The following PCDHA6 variants were observed in gnomAD, a reference collection of about 807,000 sequenced individuals.
PCDHA6 encodes protocadherin alpha 6.
A neutral mutation model predicts 60.3 loss-of-function variants in PCDHA6; 55 were observed. The ratio of observed to expected loss-of-function variants is 0.91; its 90% CI spans 0.73 to 1.14. The LOEUF is 1.14. Among genes scored for constraint, PCDHA6 ranks in the 50% most tolerant of loss-of-function variants. The pLI is 0.00. For synonymous variants in PCDHA6, 652 were observed against 557.9 expected (o/e 1.17, Z -2.38); for missense variants, 1,327 against 1,256.5 (o/e 1.06, Z -0.85).
At chr5:140,857,758 C>T (rs1562528719) in intron 1 of PCDHA6, 2 of 1,597,374 alleles carry the variant, frequency 1.3e-6, no homozygotes, top group Admixed American at 1.7e-5. Flanking sequence ...CTCCCGCTGG[C>T]AGCGCGGGCG....
intron 3 of PCDHA6, among the ~76,000 whole-genome samples, chr5:140,991,146 G>A (rs2097434554): frequency 6.6e-6 from 1 of 151,978 alleles, no homozygotes; most frequent in African/African-American, 2.4e-5. Context: ...AATGTTTTTT[G>A]CTCACCATTG....
intron 1 of PCDHA6, among the ~76,000 whole-genome samples, chr5:140,845,577 T>C (rs2150380022): frequency 1.3e-5 from 2 of 149,706 alleles, no homozygotes; most frequent in East Asian, 1.9e-4. Context: ...ATTTCTGGGA[T>C]TGAAATGTGT....
At chr5:140,937,839 A>G (rs2091791639) in intron 1 of PCDHA6, among the ~76,000 whole-genome samples, 1 of 150,456 alleles carries the variant, frequency 6.6e-6, no homozygotes, top group Non-Finnish European at 1.5e-5. Flanking sequence ...ATGAACCTGG[A>G]AGGCGGAACT....
rs2150157148 is a variant in PCDHA6 at position 140,828,589 on chromosome 5, C to T, written c.498C>T (p.Ser166=). The change falls in exon 1 of 4, where the codon TCC becomes TCT. Residue 166 remains serine, a synonymous_variant. Transcript: ENST00000529310. The part of the protein sequence containing the change: ...GASDADVGSN[S]ILTYKLSSSE... ...CCGATGCAGATGTTGGCTCAAATTC[C>T]ATCTTAACCTATAAACTCAGTTCTA... 9 of 1,614,088 alleles carry T rather than the reference C, an allele frequency of 5.6e-6. No individual in the cohort carries two copies. Among genetic ancestry groups the T allele is most frequent in the Non-Finnish European group, 7.6e-6 (9 of 1,180,040 alleles).
intron 1 of PCDHA6, among the ~76,000 whole-genome samples, chr5:140,917,662 C>T (rs1554198266): frequency 6.6e-6 from 1 of 152,118 alleles, no homozygotes; most frequent in Admixed American, 6.6e-5. Flanking sequence ...AGTAGGAAGT[C>T]CTTTCTCCAT....
At chr5:140,967,171 G>A (rs181864889) in intron 1 of PCDHA6, 2 of 1,611,944 alleles carry the variant, frequency 1.2e-6, no homozygotes, top group Non-Finnish European at 8.5e-7. Flanking sequence ...GCGCCGTTGA[G>A]GTGGAAATAT....
chr5:140,870,708 C>T (rs781841032), intron 1 of PCDHA6: 4 of 1,612,898 alleles, frequency 2.5e-6, no homozygotes, highest in Admixed American at 1.7e-5. Context: ...TCCAGGTGAG[C>T]GCGCGCGATG....
chr5:140,955,658 AT>A (rs1187332497), intron 1 of PCDHA6, among the ~76,000 whole-genome samples: 1 of 152,156 alleles, frequency 6.6e-6, no homozygotes, highest in African/African-American at 2.4e-5. Flanking sequence ...ACACATATGA[AT>A]TTTAACATAG....
chr5:140,944,003 C>A (rs1185007409), intron 1 of PCDHA6, among the ~76,000 whole-genome samples: 11 of 152,038 alleles, frequency 7.2e-5, no homozygotes, highest in African/African-American at 2.2e-4. Flanking sequence ...CTACTGAGTA[C>A]CCCCCAAAAG....
Position 140,856,434 on chromosome 5 carries a change from C to T in PCDHA6, c.2394+25949C>T, listed in dbSNP as rs551569829. 39 of 1,598,320 alleles carry T rather than the reference C, an allele frequency of 2.4e-5. 3 individuals carry two copies. The South Asian group carries it at 3.9e-4, about 16-fold the overall frequency. On this transcript the variant is annotated intron_variant, in intron 1 of 3. Coordinates refer to ENST00000529310, the MANE Select transcript of PCDHA6 (RefSeq NM_018909.4). Reference sequence around the variant, plus strand: ...GAAGTGAAGGACATTAACGACAACCCGCCCAGGTTCTCCGTAACAGAACAA... The same window carrying T: ...GAAGTGAAGGACATTAACGACAACCTGCCCAGGTTCTCCGTAACAGAACAA...
chr5:140,871,132 G>A, intron 1 of PCDHA6: 1 of 1,613,372 alleles, frequency 6.2e-7, no homozygotes, highest in South Asian at 1.1e-5. Flanking sequence ...GGCGCCAAAG[G>A]CCTCTTCCCG....
At chr5:140,943,761 A>T (rs1219179710) in intron 1 of PCDHA6, among the ~76,000 whole-genome samples, 1 of 152,248 alleles carries the variant, frequency 6.6e-6, no homozygotes, top group Non-Finnish European at 1.5e-5. Context: ...TAGGAGATGT[A>T]GGAAAAAAAC....
intron 1 of PCDHA6, 137 bp downstream of exon 1, chr5:140,830,622 C>G: frequency 1.7e-6 from 1 of 582,670 alleles, no homozygotes; most frequent in Non-Finnish European, 2.6e-6. Flanking sequence ...TATTGTGTTT[C>G]TTATTTTAAT....
At chr5:140,838,173 G>C (rs1033489567) in intron 1 of PCDHA6, among the ~76,000 whole-genome samples, 2 of 149,160 alleles carry the variant, frequency 1.3e-5, no homozygotes, top group Non-Finnish European at 3.0e-5. Flanking sequence ...GAGTGCAGTG[G>C]TGCAATCTCA....
chr5:140,929,285 T>C, intron 1 of PCDHA6: 15 of 1,600,688 alleles, frequency 9.4e-6, no homozygotes, highest in Non-Finnish European at 1.3e-5. Flanking sequence ...TGTATTCAGA[T>C]TCGGAATAGG....
At chr5:141,006,085 C>T (rs1588120524) in intron 3 of PCDHA6, among the ~76,000 whole-genome samples, 1 of 148,094 alleles carries the variant, frequency 6.8e-6, no homozygotes, top group African/African-American at 2.5e-5. Context: ...ATTGAAGGGA[C>T]TTATGTATCA....
chr5:140,995,386 A>G (rs1156268381), intron 3 of PCDHA6, among the ~76,000 whole-genome samples: 1 of 152,202 alleles, frequency 6.6e-6, no homozygotes, highest in Non-Finnish European at 1.5e-5. Context: ...TGGGCAGGAT[A>G]AAGCGGGATG....
rs151115812 is a variant in PCDHA6, at chr5:140,834,685, A to G, written c.2394+4200A>G. 2.2e-3 allele frequency: 3,569 copies of G among 1,614,218 alleles called. 59 individuals carry two copies. The African/African-American group carries it at 0.04, about 18-fold the overall frequency. The stretch of plus-strand genomic sequence containing the variant: ...GAGGAGCTGTGCGGGCGGAGCGCGG[A>G]GTGCAGCATCCACCTGGAGGTGATC... On this transcript the variant is annotated intron_variant, in intron 1 of 3. Coordinates refer to ENST00000529310, the MANE Select transcript of PCDHA6 (RefSeq NM_018909.4).
intron 1 of PCDHA6, among the ~76,000 whole-genome samples, chr5:140,906,929 C>T (rs1488297059): frequency 3.9e-5 from 6 of 152,122 alleles, no homozygotes; most frequent in African/African-American, 9.7e-5. Flanking sequence ...AAAAGTGTCC[C>T]GGTGTCAATC....
Sources: allele counts gnomAD v4.1 joint callset (sites outside exome capture counted in the v4.1 genomes callset), GRCh38; gene constraint gnomAD v4.1.1; transcripts MANE v1.5; gene names NCBI Gene and HGNC (gene_info 2026-07-23, HGNC 2026-07-21).